The following MRTFB variants were observed in gnomAD, a reference collection of about 807,000 sequenced individuals.
The protein encoded by MRTFB is myocardin-related transcription factor B.
A neutral mutation model predicts 104.2 loss-of-function variants in MRTFB; 29 were observed. The ratio of observed to expected loss-of-function variants is 0.28; its 90% confidence interval spans 0.21 to 0.38. The LOEUF (loss-of-function observed/expected upper bound fraction) is 0.38, where lower values mean the gene tolerates loss of function less well. Among genes scored for constraint, MRTFB ranks in the 10% least tolerant of loss-of-function variants. The pLI is 1.00. For missense variants in MRTFB, 1,270 were observed against 1,341.6 expected, an observed-to-expected ratio of 0.95 and a Z score of 0.83; for synonymous variants, 535 against 519.5, an observed-to-expected ratio of 1.03 and a Z score of -0.41.
the MRTFB span, among the ~76,000 whole-genome samples, chr16:14,029,637 CATT>C: frequency 1.3e-5 from 2 of 151,872 alleles, no homozygotes; most frequent in African/African-American, 4.8e-5. Flanking sequence ...TGACCATCAT[CATT>C]GTCTTCATCG....
rs374664295 is a variant in MRTFB at position 14,140,559 on chromosome 16, G to A, written c.-48G>A. 6.5e-5 allele frequency: 104 copies of A among 1,606,338 alleles called. No individual in the cohort carries two copies. In the East Asian group the frequency reaches 8.3e-4, roughly 13 times the overall value. On this transcript the variant is annotated 5_prime_UTR_variant, in exon 3 of 17. The change creates a new upstream start codon in the 5' untranslated region. Transcript: ENST00000571589. Reference sequence around the variant, plus strand: ...ATTTTGGCAGTGTCTTCAATAGGCCGTGTTTAAGAGGCGTCTTACACTCCC... The same window carrying A: ...ATTTTGGCAGTGTCTTCAATAGGCCATGTTTAAGAGGCGTCTTACACTCCC...
chr16:14,004,391 A>G, the MRTFB span, among the ~76,000 whole-genome samples: 1 of 152,140 alleles, frequency 6.6e-6, no homozygotes, highest in African/African-American at 2.4e-5. Flanking sequence ...TGAAGCTAGA[A>G]TGATGTATCG....
At chr16:14,148,569 T>TAGACC (rs2038442684) in intron 3 of MRTFB, 1 of 152,672 alleles carries the variant, frequency 6.5e-6, no homozygotes, top group African/African-American at 2.4e-5. Context: ...AATAATTACC[T>TAGACC]AGACTAATTA....
intron 1 of MRTFB, among the ~76,000 whole-genome samples, chr16:14,075,639 T>G (rs1395928392): frequency 6.6e-6 from 1 of 152,250 alleles, no homozygotes; most frequent in African/African-American, 2.4e-5. Context: ...GACCATACTT[T>G]GAGAACCATT....
At chr16:14,036,286 TTATATATATTTATA>T in the MRTFB span, among the ~76,000 whole-genome samples, 14 of 41,220 alleles carry the variant, frequency 3.4e-4, 1 homozygote, top group Admixed American at 7.6e-3. Flanking sequence ...TATATGTATT[TTATATATATTTATA>T]TATATATATA....
chr16:14,166,345 C>T (rs1239284348), intron 3 of MRTFB, among the ~76,000 whole-genome samples: 1 of 150,280 alleles, frequency 6.7e-6, no homozygotes, highest in African/African-American at 2.4e-5. Flanking sequence ...TTTTTTTATA[C>T]TTCATTTATT....
intron 12 of MRTFB, 112 bp downstream of exon 12, chr16:14,247,619 C>A: frequency 1.0e-6 from 1 of 970,276 alleles, no homozygotes; most frequent in Non-Finnish European, 1.5e-6. Context: ...GAGCAGACCC[C>A]ACGGAGAAAA....
At chr16:14,139,243 T>A (rs906401773) in intron 2 of MRTFB, among the ~76,000 whole-genome samples, 3 of 152,078 alleles carry the variant, frequency 2.0e-5, no homozygotes, top group Non-Finnish European at 2.9e-5. Context: ...CCACCTAATT[T>A]AAAAAAAGAA....
chr16:14,239,377 C>T (rs1187489516), intron 9 of MRTFB, among the ~76,000 whole-genome samples: 3 of 152,234 alleles, frequency 2.0e-5, no homozygotes, highest in Non-Finnish European at 1.5e-5. Flanking sequence ...TCTTTGGTTG[C>T]AGTGTCCTAA....
rs1232536362 is a variant in MRTFB at position 14,248,644 on chromosome 16, T to G, written c.2248-282T>G. The G allele has an allele frequency of 1.3e-5, 4 of 317,962 alleles. No individual in the cohort carries two copies. In the East Asian group the frequency reaches 3.2e-4, roughly 25 times the overall value. The allele number at this position is 317,962 out of a possible 1,614,324, so 19.7% of individuals were successfully genotyped here. Reference sequence around the variant, plus strand: ...TGAGCTATTATGTGTAGAACTGCCTTAGGTTCTTATTATTTCCATTTCCAT... The same window carrying G: ...TGAGCTATTATGTGTAGAACTGCCTGAGGTTCTTATTATTTCCATTTCCAT... On this transcript the variant is annotated intron_variant, in intron 12 of 16. Transcript: ENST00000571589.
At chr16:14,240,593 A>T in intron 10 of MRTFB, 109 bp downstream of exon 10, 1 of 1,556,102 alleles carries the variant, frequency 6.4e-7, no homozygotes, top group Non-Finnish European at 8.9e-7. Context: ...CTCAGTAATG[A>T]TTTTCATTTC....
chr16:14,058,221 A>T, the MRTFB span, among the ~76,000 whole-genome samples: 3 of 152,280 alleles, frequency 2.0e-5, no homozygotes, highest in East Asian at 3.9e-4. Context: ...TGAAGAACTC[A>T]TTTCGCGAAT....
At position 14,252,109 on chromosome 16, in the gene MRTFB, C is replaced by T. The variant is rs116431901; in HGVS notation, c.2565+86C>T. 213 of 1,438,590 alleles carry T rather than the reference C, an allele frequency of 1.5e-4. No individual in the cohort carries two copies. In the African/African-American group the frequency reaches 2.9e-3, roughly 20 times the overall value. The allele number at this position is 1,438,590 out of a possible 1,614,324, so 89.1% of individuals were successfully genotyped here. ...GCCTAGTGCTTTGGGCTTGGAGTGA[C>T]TAATGTTAATGGGATAAAATTGTTG... On this transcript the variant is annotated intron_variant, in intron 14 of 16. Coordinates refer to ENST00000571589, the MANE Select transcript of MRTFB (RefSeq NM_001308142.2).
At chr16:14,165,666 C>A (rs934989133) in intron 3 of MRTFB, among the ~76,000 whole-genome samples, 1 of 152,166 alleles carries the variant, frequency 6.6e-6, no homozygotes, top group South Asian at 2.1e-4. Flanking sequence ...CCATCTCATC[C>A]CTACAACCTT....
chr16:14,261,547 AAT>A lies in MRTFB; in HGVS notation c.*106_*107del. 8.3e-7 allele frequency: 1 copy of A among 1,208,882 alleles called. No individual in the cohort carries two copies. Among genetic ancestry groups the A allele is most frequent in the Non-Finnish European group, 1.1e-6 (1 of 871,092 alleles). 74.9% of individuals were successfully genotyped at this position (1,208,882 alleles called of 1,614,324 possible). A position where few individuals can be genotyped will look rare whatever the true frequency, so the allele number is the denominator to read the frequency against. On this transcript the variant is annotated 3_prime_UTR_variant, in exon 17 of 17. Transcript: ENST00000571589. ...TCTATAGTTGCATTGTTGCAATCAA[AAT>A]ATGTTGTCACAGAAAGAATAGGTGG...
chr16:14,217,486 T>C (rs373430449), intron 7 of MRTFB, among the ~76,000 whole-genome samples, 199 bp downstream of exon 7: 1 of 152,332 alleles, frequency 6.6e-6, no homozygotes, highest in East Asian at 1.9e-4. Context: ...ACAGATTCCC[T>C]TGTTAGGTCT....
At chr16:14,120,772 G>A (rs1323110870) in intron 2 of MRTFB, among the ~76,000 whole-genome samples, 1 of 152,206 alleles carries the variant, frequency 6.6e-6, no homozygotes, top group East Asian at 1.9e-4. Context: ...GTGGGGGATA[G>A]AATAGTGGGT....
At chr16:14,186,997 A>C (rs1027706681) in intron 3 of MRTFB, 2 of 1,597,528 alleles carry the variant, frequency 1.3e-6, no homozygotes, top group Non-Finnish European at 8.5e-7. Flanking sequence ...AAAGAAAAGG[A>C]ATGCCTTGAG....
intron 8 of MRTFB, among the ~76,000 whole-genome samples, chr16:14,223,058 G>C (rs2041811449): frequency 6.6e-6 from 1 of 152,114 alleles, no homozygotes; most frequent in African/African-American, 2.4e-5. Flanking sequence ...TGTAATCCCA[G>C]CAGTTTGGGA....
Sources: gnomAD v4.1 joint callset for allele counts (sites outside exome capture counted in the v4.1 genomes callset) on GRCh38, gnomAD v4.1.1 for gene constraint, MANE v1.5 for transcripts, NCBI Gene and HGNC (gene_info 2026-07-23, HGNC 2026-07-21) for gene names.